The following KRABD5 variants were observed in gnomAD, a reference collection of about 807,000 sequenced individuals.
The protein encoded by KRABD5 is KRAB domain containing 5.
the KRABD5 span, among the ~76,000 whole-genome samples, chr16:31,732,464 A>G: frequency 1.3e-5 from 2 of 152,246 alleles, no homozygotes; most frequent in African/African-American, 4.8e-5. Context: ...TGGGTACCAC[A>G]TATTTATTAA....
chr16:31,729,252 C>T, the KRABD5 span, among the ~76,000 whole-genome samples: 257 of 152,220 alleles, frequency 1.7e-3, 2 homozygotes, highest in African/African-American at 5.5e-3. Flanking sequence ...GTTTTAAATC[C>T]ATTTTGTGCT....
the KRABD5 span, chr16:31,756,365 A>G: frequency 2.0e-5 from 3 of 152,138 alleles, no homozygotes; most frequent in Non-Finnish European, 2.9e-5. Context: ...TATTACATCA[A>G]TTGCTCCTTA....
At chr16:31,717,117 T>A in the KRABD5 span, among the ~76,000 whole-genome samples, 2 of 147,122 alleles carry the variant, frequency 1.4e-5, no homozygotes, top group Non-Finnish European at 3.0e-5. Context: ...CTGCCTAGCC[T>A]CCCAAGTAGC....
the KRABD5 span, among the ~76,000 whole-genome samples, chr16:31,740,035 A>G: frequency 1.3e-5 from 2 of 152,210 alleles, no homozygotes; most frequent in Non-Finnish European, 2.9e-5. Context: ...TCTATAATCT[A>G]TAGAAACAAT....
At chr16:31,747,651 G>A in the KRABD5 span, among the ~76,000 whole-genome samples, 1,410 of 152,292 alleles carry the variant, frequency 9.3e-3, 19 homozygotes, top group African/African-American at 0.031. Context: ...TCCAGCACCT[G>A]TTGTTTCCTG....
At chr16:31,713,573 C>A in the KRABD5 span, 3 of 1,291,064 alleles carry the variant, frequency 2.3e-6, no homozygotes, top group Non-Finnish European at 3.1e-6. Flanking sequence ...CCCTCCGCCG[C>A]AAGATGGCGG....
At chr16:31,716,997 G>GTTT in the KRABD5 span, among the ~76,000 whole-genome samples, 32 of 81,108 alleles carry the variant, frequency 3.9e-4, no homozygotes, top group East Asian at 9.8e-4. Context: ...GTCAGTCTTT[G>GTTT]TTTTTTTTTT....
the KRABD5 span, among the ~76,000 whole-genome samples, chr16:31,753,312 C>T: frequency 0.13 from 20,207 of 152,140 alleles, 1,768 homozygotes; most frequent in South Asian, 0.32. Context: ...TGTTTGTTCT[C>T]AGTTGACCCG....
chr16:31,714,401 C>T, the KRABD5 span: 4 of 456,320 alleles, frequency 8.8e-6, no homozygotes, highest in South Asian at 4.6e-5. Flanking sequence ...GCACCTGCTC[C>T]TGTCCCTTCA....
chr16:31,722,671 G>C, the KRABD5 span: 1 of 1,613,436 alleles, frequency 6.2e-7, no homozygotes, highest in Non-Finnish European at 8.5e-7. Context: ...CTCTCGGGAG[G>C]AGTGGGAACA....
At chr16:31,726,768 T>TATAAA in the KRABD5 span, among the ~76,000 whole-genome samples, 10 of 152,036 alleles carry the variant, frequency 6.6e-5, no homozygotes, top group Admixed American at 2.0e-4. Context: ...AAAAAATATA[T>TATAAA]ATAAAATAAA....
the KRABD5 span, among the ~76,000 whole-genome samples, chr16:31,714,614 C>G: frequency 2.6e-5 from 4 of 152,208 alleles, no homozygotes; most frequent in Admixed American, 6.5e-5. Context: ...TGGAATAACC[C>G]TGACTAGGCA....
the KRABD5 span, chr16:31,758,615 A>G: frequency 6.6e-6 from 1 of 151,958 alleles, no homozygotes; most frequent in Admixed American, 6.6e-5. Flanking sequence ...CTCTATTAAA[A>G]ATGAAAAAAT....
At chr16:31,755,104 G>A in the KRABD5 span, 2 of 490,060 alleles carry the variant, frequency 4.1e-6, no homozygotes, top group Non-Finnish European at 8.3e-6. Context: ...CTCAGCATGA[G>A]AGAATTCATA....
the KRABD5 span, among the ~76,000 whole-genome samples, chr16:31,733,261 GATGAGTAGTT>G: frequency 6.6e-6 from 1 of 151,904 alleles, no homozygotes; most frequent in East Asian, 1.9e-4. Flanking sequence ...ATTCTGTCTA[GATGAGTAGTT>G]AAGGAAATAA....
At chr16:31,722,267 G>C in the KRABD5 span, among the ~76,000 whole-genome samples, 2 of 152,052 alleles carry the variant, frequency 1.3e-5, no homozygotes, top group Non-Finnish European at 2.9e-5. Flanking sequence ...TAGAGATGGG[G>C]TTTCATCATG....
chr16:31,714,548 G>A, the KRABD5 span: 2 of 384,648 alleles, frequency 5.2e-6, no homozygotes, highest in African/African-American at 2.1e-5. Flanking sequence ...TGGGAAGAAG[G>A]CACCCCACCT....
the KRABD5 span, chr16:31,761,136 A>ATAC: frequency 6.6e-6 from 1 of 152,138 alleles, no homozygotes; most frequent in East Asian, 1.9e-4. Context: ...AAGCACAATG[A>ATAC]TACTGATTGC....
the KRABD5 span, among the ~76,000 whole-genome samples, chr16:31,749,325 G>A: frequency 6.6e-6 from 1 of 152,228 alleles, no homozygotes; most frequent in Non-Finnish European, 1.5e-5. Flanking sequence ...AAGGGGAAAA[G>A]CACAGCCTGG....
Sources: allele counts gnomAD v4.1 joint callset (sites outside exome capture counted in the v4.1 genomes callset), GRCh38; gene constraint gnomAD v4.1.1; transcripts MANE v1.5; gene names NCBI Gene and HGNC (gene_info 2026-07-23, HGNC 2026-07-21).